The following DOC2B variants were observed in gnomAD, a reference collection of about 807,000 sequenced individuals.
DOC2B encodes double C2 domain beta.
In DOC2B, 21 loss-of-function variants were observed where a neutral mutation model predicts 28.9. The observed-to-expected ratio is 0.73, with a 90% CI of 0.52 to 1.05. DOC2B has a LOEUF of 1.05. DOC2B is among the 50% of genes least tolerant of loss of function. The pLI is 0.00. For synonymous variants in DOC2B, 194 were observed against 178.1 expected (o/e 1.09, Z -0.71); for missense variants, 384 against 421.1 (o/e 0.91, Z 0.77).
At chr17:179,272 G>A (rs2040405965) in intron 1 of DOC2B, among the ~76,000 whole-genome samples, 1 of 152,174 alleles carries the variant, frequency 6.6e-6, no homozygotes, top group Non-Finnish European at 1.5e-5. Flanking sequence ...CTCAGGCCAG[G>A]GGCCCAGCCC....
At chr17:150,370 G>A (rs2040059328) in intron 6 of DOC2B, among the ~76,000 whole-genome samples, 1 of 152,036 alleles carries the variant, frequency 6.6e-6, no homozygotes. Context: ...ATCCCTAGAA[G>A]TGAAGCCACC....
At chr17:162,838 G>A (rs991026631) in intron 3 of DOC2B, among the ~76,000 whole-genome samples, 10 of 152,266 alleles carry the variant, frequency 6.6e-5, no homozygotes, top group South Asian at 2.1e-4. Flanking sequence ...TTTGTGGACC[G>A]TCCCCTCTGC....
In DOC2B at chr17:181,373, T is replaced by C. The variant is rs1342165056; in HGVS notation, c.107A>G (p.Tyr36Cys). The C allele has an allele frequency of 1.8e-5, 20 of 1,136,208 alleles. No homozygotes were observed. The highest frequency in any genetic ancestry group is 2.2e-5 in the Non-Finnish European group (20 of 924,486). 70.4% of individuals were successfully genotyped at this position (1,136,208 alleles called of 1,614,324 possible). Residue 36 changes from tyrosine (Y) to cysteine (C), a missense_variant, in exon 1 of 9, where the codon TAC becomes TGC. Transcript: ENST00000613549. The surrounding 1 kb of genome is among the most constrained non-coding windows in gnomAD (Gnocchi z 7.0). The part of the protein sequence containing the change: ...PIRPIKQISD[Y>C]FPRFPRGLPP... ...CAGGCCCCGCGGGAAGCGGGGGAAG[T>C]AGTCGGAGATCTGCTTGATGGGACG... is the stretch of plus-strand genomic sequence containing the variant.
chr17:181,186 C>G lies in DOC2B; in HGVS notation c.294G>C (p.Pro98=), dbSNP rs1478231496. 2.4e-6 allele frequency: 3 copies of G among 1,241,674 alleles called. No individual in the cohort carries two copies. Among genetic ancestry groups the G allele is most frequent in the Non-Finnish European group, 3.0e-6 (3 of 993,240 alleles). 76.9% of individuals were successfully genotyped at this position (1,241,674 alleles called of 1,614,324 possible). The change falls in exon 1 of 9, where the codon CCG becomes CCC. Residue 98 remains proline, a synonymous_variant. Transcript: ENST00000613549. This position sits in a 1 kb window ranked among gnomAD's most constrained non-coding sequence, Gnocchi z 7.0. ...GAYGSSPGPS[P]GPSPARPPAK... ...CTGGCGGCCGCGCGGGGCTGGGACCCGGGCTGGGGCCCGGGCTGGAGCCGT... is the reference window on the plus strand; with the variant it reads ...CTGGCGGCCGCGCGGGGCTGGGACCGGGGCTGGGGCCCGGGCTGGAGCCGT...
chr17:151,510 G>A (rs2040071546), intron 6 of DOC2B, among the ~76,000 whole-genome samples: 1 of 152,150 alleles, frequency 6.6e-6, no homozygotes, highest in Non-Finnish European at 1.5e-5. Flanking sequence ...TGGGGTTTTG[G>A]ATTTACAGCT....
At chr17:172,206 C>T (rs1022905298) in intron 2 of DOC2B, among the ~76,000 whole-genome samples, 1 of 152,024 alleles carries the variant, frequency 6.6e-6, no homozygotes, top group African/African-American at 2.4e-5. Context: ...ACCCGCCCTC[C>T]CTTGGCCTGC....
In DOC2B at chr17:143,952, T is replaced by C. The variant is rs1404890657; in HGVS notation, c.*3489A>G. The C allele has an allele frequency of 6.6e-6, 1 of 152,420 alleles. No homozygotes were observed. The highest frequency in any genetic ancestry group is 2.4e-5 in the African/African-American group (1 of 41,380). 9.4% of individuals were successfully genotyped at this position (152,420 alleles called of 1,614,324 possible). A position where few individuals can be genotyped will look rare whatever the true frequency, so the allele number is the denominator to read the frequency against. The stretch of plus-strand genomic sequence containing the variant: ...TTGCGAAGGAACAACGGGCTCGGCA[T>C]GCACGGCCCGGGCTCGGCGGGCGGA... On this transcript the variant is annotated 3_prime_UTR_variant, in exon 9 of 9. Transcript: ENST00000613549.
chr17:165,552 G>A lies in DOC2B; in HGVS notation c.454-1348C>T, dbSNP rs184340375. Among the ~76,000 whole-genome samples, 418 of 152,180 alleles carry A rather than the reference G, an allele frequency of 2.7e-3. 2 individuals carry two copies. The highest frequency in any genetic ancestry group is 9.9e-3 in the African/African-American group (411 of 41,534). ...CACCTTCCTAGGGCTGGAGTGAGAGGGAGGGAGACTGTGTGGACACAGGGC... is the reference window on the plus strand; with the variant it reads ...CACCTTCCTAGGGCTGGAGTGAGAGAGAGGGAGACTGTGTGGACACAGGGC... On this transcript the variant is annotated intron_variant, in intron 2 of 8. Transcript: ENST00000613549.
At chr17:172,427 T>G in intron 2 of DOC2B, 110 bp downstream of exon 2, 1 of 871,386 alleles carries the variant, frequency 1.1e-6, no homozygotes, top group Non-Finnish European at 1.8e-6. Context: ...AGCGCAGACA[T>G]CCAAAAGCCT....
At chr17:160,049 A>G (rs2040182730) in intron 5 of DOC2B, among the ~76,000 whole-genome samples, 1 of 150,462 alleles carries the variant, frequency 6.6e-6, no homozygotes, top group Non-Finnish European at 1.5e-5. Flanking sequence ...CAACGGTGCA[A>G]TCTCGGCTCA....
At position 147,060 on chromosome 17, in the gene DOC2B, C is replaced by T. The variant is rs924211134; in HGVS notation, c.*381G>A. ...ATCCTCCACCTGTCTGTCTGCTCACCACCTCCCTCCTCTGTTCCCACTGTC... is the reference window on the plus strand; with the variant it reads ...ATCCTCCACCTGTCTGTCTGCTCACTACCTCCCTCCTCTGTTCCCACTGTC... On this transcript the variant is annotated 3_prime_UTR_variant, in exon 9 of 9. Coordinates refer to ENST00000613549, the MANE Select transcript of DOC2B (RefSeq NM_003585.5). 46 of 185,800 alleles carry T rather than the reference C, an allele frequency of 2.5e-4. No individual in the cohort carries two copies. Among genetic ancestry groups the T allele is most frequent in the Non-Finnish European group, 4.4e-4 (40 of 90,846 alleles). 11.5% of individuals were successfully genotyped at this position (185,800 alleles called of 1,614,324 possible).
intron 2 of DOC2B, among the ~76,000 whole-genome samples, chr17:166,043 T>G (rs2040260548): frequency 1.3e-5 from 2 of 151,964 alleles, no homozygotes; most frequent in African/African-American, 4.8e-5. Flanking sequence ...CTAGGCTGGG[T>G]CGAGGGGCGC....
chr17:172,406 G>A lies in DOC2B; in HGVS notation c.453+131C>T, dbSNP rs144071331. On this transcript the variant is annotated intron_variant, in intron 2 of 8. Coordinates refer to ENST00000613549, the MANE Select transcript of DOC2B (RefSeq NM_003585.5). ...TAAAGAAGAATTCCTTCCTGGCCCC[G>A]CACCCCACACAGCGCAGACATCCAA... 1,598 of 659,796 alleles carry A rather than the reference G, an allele frequency of 2.4e-3. 27 individuals are homozygous for A. In the African/African-American group the frequency reaches 0.026, roughly 11 times the overall value. The allele number at this position is 659,796 out of a possible 1,614,324, so 40.9% of individuals were successfully genotyped here.
At chr17:163,793 T>C in intron 3 of DOC2B, 1 of 282,290 alleles carries the variant, frequency 3.5e-6, no homozygotes, top group Non-Finnish European at 6.8e-6. Flanking sequence ...AACCACAGAG[T>C]CCTTTGTTTG....
intron 1 of DOC2B, 101 bp from the exon 2 acceptor site, chr17:172,717 C>T (rs1002699326): frequency 1.2e-5 from 11 of 932,502 alleles, no homozygotes; most frequent in African/African-American, 1.7e-5. Context: ...CAGGTGCCAC[C>T]GTTCCATGGC....
chr17:157,084 G>A (rs2040144329), intron 5 of DOC2B, among the ~76,000 whole-genome samples: 1 of 152,192 alleles, frequency 6.6e-6, no homozygotes, highest in African/African-American at 2.4e-5. Context: ...GGCACACAGA[G>A]CCTAACATTA....
At chr17:157,924 A>C (rs746303864) in intron 5 of DOC2B, among the ~76,000 whole-genome samples, 2 of 152,216 alleles carry the variant, frequency 1.3e-5, no homozygotes, top group Non-Finnish European at 2.9e-5. Context: ...GCCCATGACA[A>C]TGGAGCCTGG....
chr17:176,438 C>A (rs1381505572), intron 1 of DOC2B, among the ~76,000 whole-genome samples: 1 of 152,100 alleles, frequency 6.6e-6, no homozygotes, highest in Non-Finnish European at 1.5e-5. Flanking sequence ...TCAGGCTGGT[C>A]TTGAACTCCC....
At chr17:159,876 A>AGCAC (rs1248426701) in intron 5 of DOC2B, among the ~76,000 whole-genome samples, 1 of 148,186 alleles carries the variant, frequency 6.7e-6, no homozygotes, top group African/African-American at 2.4e-5. Context: ...TTCACACACG[A>AGCAC]GCACACACAC....
Sources: allele counts gnomAD v4.1 joint callset (sites outside exome capture counted in the v4.1 genomes callset), GRCh38; gene constraint gnomAD v4.1.1; non-coding constraint Gnocchi (gnomAD v3.1); transcripts MANE v1.5; gene names NCBI Gene and HGNC (gene_info 2026-07-23, HGNC 2026-07-21).